The following NELL1 variants were observed in gnomAD, a reference collection of about 807,000 sequenced individuals.
The protein encoded by NELL1 is neural EGFL like 1, also known as protein kinase C-binding protein NELL1.
In NELL1, 76 loss-of-function variants were observed where a neutral mutation model predicts 107.4. The ratio of observed to expected loss-of-function variants is 0.71; its 90% CI spans 0.59 to 0.86. The LOEUF (loss-of-function observed/expected upper bound fraction) is 0.86. NELL1 is among the 40% of genes least tolerant of loss of function. NELL1 has a pLI of 0.00. For synonymous variants in NELL1, 353 were observed against 341.2 expected (o/e 1.03, Z -0.38); for missense variants, 1,024 against 1,005.5 (o/e 1.02, Z -0.25).
At chr11:21,187,738 G>A (rs1370691111) in intron 13 of NELL1, among the ~76,000 whole-genome samples, 1 of 151,710 alleles carries the variant, frequency 6.6e-6, no homozygotes, top group Non-Finnish European at 1.5e-5. Context: ...ATCATAGAAT[G>A]TTCAAGATAG....
chr11:20,697,455 A>G (rs186288833), intron 2 of NELL1, among the ~76,000 whole-genome samples: 28 of 150,232 alleles, frequency 1.9e-4, no homozygotes, highest in Non-Finnish European at 4.4e-5. Context: ...GCTTCAAAAG[A>G]GTTTCTAAAG....
At chr11:20,771,267 C>T (rs1856634561) in intron 2 of NELL1, among the ~76,000 whole-genome samples, 1 of 152,076 alleles carries the variant, frequency 6.6e-6, no homozygotes, top group South Asian at 2.1e-4. Flanking sequence ...CCTGTTGGTC[C>T]CTGAGTGTCA....
intron 14 of NELL1, among the ~76,000 whole-genome samples, chr11:21,236,726 T>C (rs1000294763): frequency 5.9e-5 from 9 of 152,112 alleles, no homozygotes; most frequent in African/African-American, 7.2e-5. Context: ...TATTGACCCT[T>C]TTTAGACTCA....
chr11:21,223,603 T>TTC (rs1857816978), intron 13 of NELL1, among the ~76,000 whole-genome samples: 3 of 152,180 alleles, frequency 2.0e-5, no homozygotes, highest in Admixed American at 6.5e-5. Context: ...CCTCTTATTT[T>TTC]GTTAATTGTT....
chr11:21,201,837 G>T (rs374432457), intron 13 of NELL1, among the ~76,000 whole-genome samples: 2 of 152,248 alleles, frequency 1.3e-5, no homozygotes, highest in African/African-American at 4.8e-5. Context: ...TTAGCATGAA[G>T]GGGTATTGAA....
intron 12 of NELL1, among the ~76,000 whole-genome samples, chr11:20,970,149 G>T (rs1287946882): frequency 2.7e-5 from 4 of 150,526 alleles, no homozygotes; most frequent in African/African-American, 9.8e-5. Context: ...GCCATAGTTT[G>T]TGTAGAGTCA....
chr11:20,755,567 T>TTTTTG (rs1564895122), intron 2 of NELL1, among the ~76,000 whole-genome samples: 51 of 119,948 alleles, frequency 4.3e-4, no homozygotes, highest in African/African-American at 1.6e-3. Flanking sequence ...TTTTTGTTTT[T>TTTTTG]TTTTTTTTGA....
At chr11:21,304,777 TCCC>T (rs1027388843) in intron 14 of NELL1, among the ~76,000 whole-genome samples, 8 of 151,954 alleles carry the variant, frequency 5.3e-5, no homozygotes, top group South Asian at 4.1e-4. Flanking sequence ...TTCTTCCATT[TCCC>T]CTGCAGTAGG....
At chr11:20,885,184 G>T (rs1849483044) in intron 4 of NELL1, among the ~76,000 whole-genome samples, 1 of 152,200 alleles carries the variant, frequency 6.6e-6, no homozygotes, top group Admixed American at 6.5e-5. Context: ...TTTGTGGGCA[G>T]TTCATTGCTC....
chr11:20,774,692 T>G (rs1856714562), intron 2 of NELL1, among the ~76,000 whole-genome samples: 1 of 152,156 alleles, frequency 6.6e-6, no homozygotes, highest in South Asian at 2.1e-4. Flanking sequence ...TTTTTAAAGT[T>G]AAGAATGAAT....
At chr11:21,528,431 G>T (rs1855908596) in intron 15 of NELL1, among the ~76,000 whole-genome samples, 1 of 151,222 alleles carries the variant, frequency 6.6e-6, no homozygotes, top group East Asian at 2.0e-4. Context: ...GGCAGGAATC[G>T]ATTAGCTCCC....
intron 10 of NELL1, 96 bp downstream of exon 10, chr11:20,937,955 G>A: frequency 8.5e-7 from 1 of 1,180,098 alleles, no homozygotes; most frequent in Non-Finnish European, 1.3e-6. Context: ...ATATTGGCCT[G>A]GATAGGGCCC....
At chr11:20,925,747 C>T (rs1234944435) in intron 7 of NELL1, among the ~76,000 whole-genome samples, 1 of 151,886 alleles carries the variant, frequency 6.6e-6, no homozygotes. Flanking sequence ...TTTTTTCTAC[C>T]CTTTGCTACC....
Position 20,718,521 on chromosome 11 carries a change from A to G in NELL1, c.184+40461A>G, listed in dbSNP as rs143916123. Among the ~76,000 whole-genome samples, 480 of 152,096 alleles carry G rather than the reference A, an allele frequency of 3.2e-3. 1 individual carries two copies. The highest frequency in any genetic ancestry group is 0.011 in the African/African-American group (455 of 41,500). On this transcript the variant is annotated intron_variant, in intron 2 of 19. Transcript: ENST00000357134. The stretch of plus-strand genomic sequence containing the variant: ...TTTTTTCTTTCACTGAGCATCAGCT[A>G]TGTGCTAGGCACAGTACTGGGTACT...
chr11:21,516,396 T>A (rs117110405), intron 15 of NELL1, among the ~76,000 whole-genome samples: 1,536 of 152,256 alleles, frequency 0.01, 34 homozygotes, highest in East Asian at 0.068. Flanking sequence ...GTATCTTGTG[T>A]GTGTGTGTAT....
intron 15 of NELL1, among the ~76,000 whole-genome samples, chr11:21,464,380 T>C (rs1048888575): frequency 7.1e-6 from 1 of 141,116 alleles, no homozygotes; most frequent in Non-Finnish European, 1.5e-5. Flanking sequence ...CTTAGACAAC[T>C]ATTCTATGAA....
intron 3 of NELL1, among the ~76,000 whole-genome samples, chr11:20,789,349 C>G (rs894763883): frequency 6.6e-6 from 1 of 152,196 alleles, no homozygotes; most frequent in African/African-American, 2.4e-5. Flanking sequence ...CAGGTACCGG[C>G]AGGGTTACCA....
chr11:21,275,485 G>A (rs1462418900), intron 14 of NELL1, among the ~76,000 whole-genome samples: 2 of 152,166 alleles, frequency 1.3e-5, no homozygotes, highest in South Asian at 2.1e-4. Flanking sequence ...GGAGGAGCTG[G>A]TACCATTCCT....
At chr11:21,535,634 C>G (rs760736667) in intron 16 of NELL1, among the ~76,000 whole-genome samples, 1 of 152,140 alleles carries the variant, frequency 6.6e-6, no homozygotes, top group Non-Finnish European at 1.5e-5. Context: ...CAGTCAAATT[C>G]TAGCTCTGCT....
Sources: allele counts gnomAD v4.1 joint callset (sites outside exome capture counted in the v4.1 genomes callset), GRCh38; gene constraint gnomAD v4.1.1; transcripts MANE v1.5; gene names NCBI Gene and HGNC (gene_info 2026-07-23, HGNC 2026-07-21).